The following GYPE variants were observed in gnomAD, a reference collection of about 807,000 sequenced individuals.
GYPE encodes the protein glycophorin-E.
A neutral mutation model predicts 11.6 loss-of-function variants in GYPE; 8 were observed. The ratio of observed to expected loss-of-function variants is 0.69; its 90% CI spans 0.41 to 1.25. GYPE has a LOEUF of 1.25. Ranked by LOEUF, GYPE falls within the 50% of genes most tolerant of loss-of-function variation. The pLI is 0.01. For missense variants in GYPE, 90 were observed against 92.8 expected, an observed-to-expected ratio of 0.97 and a Z score of 0.12; for synonymous variants, 28 against 29.6, an observed-to-expected ratio of 0.94 and a Z score of 0.18.
chr4:143,905,007 C>T (rs191636654), intron 1 of GYPE, among the ~76,000 whole-genome samples: 2 of 151,920 alleles, frequency 1.3e-5, no homozygotes, highest in African/African-American at 2.4e-5. Flanking sequence ...CACAGAGAAG[C>T]GAACAACTCC....
chr4:143,873,133 T>C (rs1022343292), intron 3 of GYPE, among the ~76,000 whole-genome samples: 2 of 152,186 alleles, frequency 1.3e-5, no homozygotes, highest in African/African-American at 4.8e-5. Context: ...CCATTCTTTT[T>C]AGTAAGAATA....
At chr4:143,899,375 G>C (rs1292014458) in intron 1 of GYPE, among the ~76,000 whole-genome samples, 2 of 152,120 alleles carry the variant, frequency 1.3e-5, no homozygotes, top group Middle Eastern at 3.2e-3. Flanking sequence ...CTATATTTTT[G>C]TTCCATCATT....
chr4:143,899,345 T>C (rs1375186548), intron 1 of GYPE, among the ~76,000 whole-genome samples: 2 of 152,208 alleles, frequency 1.3e-5, no homozygotes, highest in Non-Finnish European at 2.9e-5. Flanking sequence ...ACCTGAGACC[T>C]TGCAAAATTA....
intron 3 of GYPE, 78 bp downstream of exon 3, chr4:143,876,668 A>C: frequency 1.4e-6 from 1 of 737,008 alleles, no homozygotes; most frequent in Non-Finnish European, 2.4e-6. Flanking sequence ...TTTTGAGTTT[A>C]ACTGAACTCA....
intron 3 of GYPE, chr4:143,873,365 C>A (rs1238156657): frequency 6.8e-6 from 3 of 439,494 alleles, no homozygotes; most frequent in Non-Finnish European, 1.4e-5. Flanking sequence ...ACCTGGTTGG[C>A]AATATTTGCA....
At position 143,904,949 on chromosome 4, in the gene GYPE, G is replaced by A. The variant is rs577461596; in HGVS notation, c.37+522C>T. On this transcript the variant is annotated intron_variant, in intron 1 of 3. Coordinates refer to ENST00000358615, the MANE Select transcript of GYPE (RefSeq NM_198682.3). ...TCACATGACATCTAAGCCAGTAAGA[G>A]TTGTTTTTGTTTTTGTTTCTTCCTA... 3.9e-5 allele frequency among the ~76,000 whole-genome samples: 6 copies of A among 152,090 alleles called. 1 individual carries two copies. The South Asian group carries it at 1.2e-3, about 32-fold the overall frequency.
intron 1 of GYPE, among the ~76,000 whole-genome samples, chr4:143,898,315 T>C (rs1448479523): frequency 2.0e-5 from 3 of 152,156 alleles, no homozygotes; most frequent in Admixed American, 2.0e-4. Context: ...AGGCAGAGGT[T>C]GCAGTGAGCT....
chr4:143,875,525 A>T, intron 3 of GYPE: 1 of 1,550,524 alleles, frequency 6.4e-7, no homozygotes, highest in South Asian at 1.2e-5. Context: ...ATAAAAAGAC[A>T]GAAGTTTCCA....
intron 3 of GYPE, among the ~76,000 whole-genome samples, chr4:143,872,770 A>C (rs1159253048): frequency 6.6e-6 from 1 of 152,160 alleles, no homozygotes; most frequent in African/African-American, 2.4e-5. Context: ...TGAAGCAAAA[A>C]AAGGAGAAAA....
At chr4:143,896,823 G>A (rs1043288694) in intron 1 of GYPE, among the ~76,000 whole-genome samples, 9 of 152,106 alleles carry the variant, frequency 5.9e-5, no homozygotes, top group African/African-American at 1.7e-4. Context: ...AATAATATGC[G>A]GCCATAAAAA....
intron 1 of GYPE, among the ~76,000 whole-genome samples, chr4:143,881,888 G>A (rs1486191760): frequency 1.3e-5 from 2 of 152,134 alleles, no homozygotes; most frequent in African/African-American, 4.8e-5. Context: ...AGCCAACTTG[G>A]CCCCTCAGCT....
chr4:143,879,695 G>A (rs1287244122), intron 2 of GYPE, among the ~76,000 whole-genome samples: 1 of 152,174 alleles, frequency 6.6e-6, no homozygotes, highest in East Asian at 1.9e-4. Flanking sequence ...TGTCCCGTTT[G>A]TGCTTATCTG....
chr4:143,902,362 A>C (rs1744900015), intron 1 of GYPE, among the ~76,000 whole-genome samples: 1 of 147,302 alleles, frequency 6.8e-6, no homozygotes, highest in African/African-American at 2.5e-5. Context: ...AAAAAAAGAG[A>C]TGCCTTGTTT....
rs1319829796 is a variant in GYPE, at chr4:143,871,415, TACC to T, written c.*844_*846del. 1.3e-5 allele frequency: 2 copies of T among 152,212 alleles called. No individual in the cohort carries two copies. Among genetic ancestry groups the T allele is most frequent in the African/African-American group, 4.8e-5 (2 of 41,436 alleles). 9.4% of individuals were successfully genotyped at this position (152,212 alleles called of 1,614,324 possible). A position where few individuals can be genotyped will look rare whatever the true frequency, so the allele number is the denominator to read the frequency against. On this transcript the variant is annotated 3_prime_UTR_variant, in exon 4 of 4. Coordinates refer to ENST00000358615, the MANE Select transcript of GYPE (RefSeq NM_198682.3). Reference sequence around the variant, plus strand: ...ACGGCTGAAACCAAGAGGCACTGATTACCACCTCACTCTAAAGAGAATTACTGA... The same window carrying T: ...ACGGCTGAAACCAAGAGGCACTGATTACCTCACTCTAAAGAGAATTACTGA...
At chr4:143,885,173 A>G (rs1578962404) in intron 1 of GYPE, among the ~76,000 whole-genome samples, 1 of 152,140 alleles carries the variant, frequency 6.6e-6, no homozygotes, top group Non-Finnish European at 1.5e-5. Flanking sequence ...AGAAAATTAC[A>G]GCAGATTGTC....
At chr4:143,887,600 A>AG (rs143470963) in intron 1 of GYPE, among the ~76,000 whole-genome samples, 128,434 of 142,036 alleles carry the variant, frequency 0.9, 58,763 homozygotes, top group East Asian at 0.99. Context: ...GATGCAGAGG[A>AG]GGAGGGATAA....
At chr4:143,900,322 G>C (rs1322501828) in intron 1 of GYPE, among the ~76,000 whole-genome samples, 3 of 126,956 alleles carry the variant, frequency 2.4e-5, no homozygotes, top group Non-Finnish European at 3.3e-5. Flanking sequence ...TGGAGAAATT[G>C]GCACCTCATA....
In GYPE at chr4:143,889,555, T is replaced by C. The variant is rs140142686; in HGVS notation, c.38-9046A>G. Reference sequence around the variant, plus strand: ...AAAAAGTTTTGCTTTTTTCTTGAGATAGGGTCTCACCATATTGCCCATACT... The same window carrying C: ...AAAAAGTTTTGCTTTTTTCTTGAGACAGGGTCTCACCATATTGCCCATACT... On this transcript the variant is annotated intron_variant, in intron 1 of 3. Coordinates refer to ENST00000358615, the MANE Select transcript of GYPE (RefSeq NM_198682.3). Among the ~76,000 whole-genome samples, 126 of 152,274 alleles carry C rather than the reference T, an allele frequency of 8.3e-4. 3 individuals carry two copies. In the East Asian group the frequency reaches 0.021, roughly 26 times the overall value.
In GYPE at chr4:143,892,234, A is replaced by G. The variant is rs1227963153; in HGVS notation, c.38-11725T>C. ...TATTAGTCTTGCTAGCGGTCTATCA[A>G]TTTTGTTGATCTTTTCAAAAAACCA... On this transcript the variant is annotated intron_variant, in intron 1 of 3. Transcript: ENST00000358615. Among the ~76,000 whole-genome samples the G allele has an allele frequency of 5.9e-5, 9 of 151,892 alleles. No individual in the cohort carries two copies. In the South Asian group the frequency reaches 1.5e-3, roughly 25 times the overall value.
Sources: allele counts gnomAD v4.1 joint callset (sites outside exome capture counted in the v4.1 genomes callset), GRCh38; gene constraint gnomAD v4.1.1; transcripts MANE v1.5; gene names NCBI Gene and HGNC (gene_info 2026-07-23, HGNC 2026-07-21).